The following EVL variants were observed in gnomAD, a reference collection of about 807,000 sequenced individuals.
The protein encoded by EVL is Enah/Vasp-like, also known as ena/VASP-like protein.
A neutral mutation model predicts 59.6 loss-of-function variants in EVL; 21 were observed. The ratio of observed to expected loss-of-function variants is 0.35; its 90% CI spans 0.25 to 0.51. The LOEUF (loss-of-function observed/expected upper bound fraction) is 0.51. Among genes scored for constraint, EVL ranks in the 20% least tolerant of loss-of-function variants. EVL has a pLI of 0.97. For missense variants in EVL, 462 were observed against 546.6 expected (o/e 0.85, Z 1.54); for synonymous variants, 198 against 203.5 (o/e 0.97, Z 0.23).
intron 1 of EVL, among the ~76,000 whole-genome samples, chr14:100,077,809 G>A (rs1243562800): frequency 6.6e-6 from 1 of 152,154 alleles, no homozygotes; most frequent in East Asian, 1.9e-4. Flanking sequence ...GTCTGGCTCT[G>A]TCGCCCAGGC....
At chr14:100,137,858 C>T in intron 11 of EVL, 56 bp downstream of exon 11, 1 of 1,546,202 alleles carries the variant, frequency 6.5e-7, no homozygotes. Flanking sequence ...TCCTCTGTCC[C>T]CCGTCCCGTG....
At chr14:100,085,154 A>G (rs1361763647) in intron 2 of EVL, 4 of 249,996 alleles carry the variant, frequency 1.6e-5, no homozygotes, top group Non-Finnish European at 3.0e-5. Flanking sequence ...AAGCTTTGAA[A>G]AAATAATATT....
intron 1 of EVL, chr14:100,019,452 G>A (rs904201309): frequency 1.7e-5 from 9 of 539,478 alleles, no homozygotes; most frequent in Non-Finnish European, 2.9e-5. Flanking sequence ...TGGTTTTCTA[G>A]CTGCCTCCCC....
intron 11 of EVL, chr14:100,140,792 C>T (rs1209315298): frequency 5.9e-6 from 1 of 169,592 alleles, no homozygotes; most frequent in African/African-American, 2.4e-5. Context: ...GAGCCCCAAG[C>T]TCAACCTGGA....
intron 1 of EVL, among the ~76,000 whole-genome samples, chr14:100,048,067 G>T (rs965278397): frequency 4.1e-4 from 62 of 152,290 alleles, no homozygotes; most frequent in African/African-American, 1.5e-3. Context: ...TTAGGGAAGA[G>T]GTTCTTAGAC....
intron 1 of EVL, among the ~76,000 whole-genome samples, chr14:100,023,546 C>T (rs545650174): frequency 1.0e-3 from 152 of 151,658 alleles, no homozygotes; most frequent in African/African-American, 3.4e-3. Flanking sequence ...AGGCTGGTCT[C>T]GAACTCCTGA....
intron 3 of EVL, among the ~76,000 whole-genome samples, chr14:100,122,259 T>G (rs1314487014): frequency 6.6e-6 from 1 of 152,126 alleles, no homozygotes; most frequent in Admixed American, 6.5e-5. Flanking sequence ...ACTGTCTGAT[T>G]GAGTTTAAGA....
At chr14:100,115,879 G>A (rs1887310623) in intron 3 of EVL, among the ~76,000 whole-genome samples, 1 of 152,258 alleles carries the variant, frequency 6.6e-6, no homozygotes, top group Non-Finnish European at 1.5e-5. Flanking sequence ...TGAGCTCGGA[G>A]GATAGGGTTC....
intron 1 of EVL, among the ~76,000 whole-genome samples, chr14:99,994,199 T>C (rs1482872713): frequency 6.7e-5 from 10 of 148,860 alleles, no homozygotes; most frequent in Non-Finnish European, 1.5e-4. Context: ...CAGCATATAG[T>C]TGGATTCTGG....
chr14:100,081,391 G>A (rs1019094925), intron 1 of EVL, among the ~76,000 whole-genome samples: 4 of 151,814 alleles, frequency 2.6e-5, no homozygotes, highest in Admixed American at 2.6e-4. Flanking sequence ...GTATTTTCTT[G>A]CATTTAGGTT....
Position 100,128,750 on chromosome 14 carries a change from T to G in EVL, c.717+2T>G. 1 of 1,602,856 alleles carries G rather than the reference T, an allele frequency of 6.2e-7. No individual in the cohort carries two copies. Among genetic ancestry groups the G allele is most frequent in the Non-Finnish European group, 8.5e-7 (1 of 1,179,352 alleles). On this transcript the variant is annotated splice_donor_variant, in intron 6 of 13. Coordinates refer to ENST00000392920, the MANE Select transcript of EVL (RefSeq NM_016337.3). LOFTEE classifies it high-confidence loss of function. ...GCCAAGCTGAGAAGAGTCCAACGGG[T>G]AAGAGCTCCTGTGTGCGGGGTGGGA...
chr14:100,091,855 T>A, intron 2 of EVL, among the ~76,000 whole-genome samples: 1 of 152,212 alleles, frequency 6.6e-6, no homozygotes. Flanking sequence ...AACCTGATGC[T>A]GTCTCCAGGT....
At chr14:99,978,479 C>A (rs1217295951) in intron 1 of EVL, among the ~76,000 whole-genome samples, 1 of 150,314 alleles carries the variant, frequency 6.7e-6, no homozygotes, top group Non-Finnish European at 1.5e-5. Context: ...TTTTTCTTTT[C>A]TTTTTTTTAA....
chr14:100,111,900 A>G (rs1887019071), intron 3 of EVL, among the ~76,000 whole-genome samples: 1 of 152,236 alleles, frequency 6.6e-6, no homozygotes. Context: ...CCAGTGGACC[A>G]GACTGCCTCT....
At chr14:100,038,580 A>C (rs1007638506) in intron 1 of EVL, among the ~76,000 whole-genome samples, 1 of 152,184 alleles carries the variant, frequency 6.6e-6, no homozygotes, top group African/African-American at 2.4e-5. Flanking sequence ...TGTGCCATTA[A>C]ACTTCTTTAT....
At position 100,135,894 on chromosome 14, in the gene EVL, C is replaced by T; in HGVS notation, c.901-11C>T. The stretch of plus-strand genomic sequence containing the variant: ...GCCTTCCTAAACAGACTCCCTTCTT[C>T]TCCATTTTAGGAAGATCCTAGTACC... On this transcript the variant is annotated splice_polypyrimidine_tract_variant and intron_variant, in intron 8 of 13. Transcript: ENST00000392920. 6.2e-7 allele frequency: 1 copy of T among 1,613,958 alleles called. No homozygotes were observed.
chr14:99,992,299 C>T (rs928313046), intron 1 of EVL, among the ~76,000 whole-genome samples: 1 of 151,814 alleles, frequency 6.6e-6, no homozygotes, highest in African/African-American at 2.4e-5. Context: ...TTAAATGGGT[C>T]GTTTTTTTCA....
rs147914214 is a variant in EVL at position 99,972,474 on chromosome 14, C to T, written c.5+417C>T. Among the ~76,000 whole-genome samples the T allele has an allele frequency of 5.3e-4, 81 of 152,308 alleles. No individual in the cohort carries two copies. The East Asian group carries it at 0.014, about 27-fold the overall frequency. ...GCCTTCCAGCCCGGAGGAGGCTGGC[C>T]TGAAGCCCCCAGGCGTTGCCGAAGC... On this transcript the variant is annotated intron_variant, in intron 1 of 13. Transcript: ENST00000402714. This position sits in a 1 kb window ranked among gnomAD's most constrained non-coding sequence, Gnocchi z 4.4.
intron 1 of EVL, among the ~76,000 whole-genome samples, chr14:100,031,975 G>T (rs988607934): frequency 3.3e-5 from 5 of 152,212 alleles, no homozygotes; most frequent in African/African-American, 1.2e-4. Context: ...GGGCTCCCCT[G>T]CCTAGTTTTT....
Sources: allele counts gnomAD v4.1 joint callset (sites outside exome capture counted in the v4.1 genomes callset), GRCh38; gene constraint gnomAD v4.1.1; non-coding constraint Gnocchi (gnomAD v3.1); transcripts MANE v1.5; gene names NCBI Gene and HGNC (gene_info 2026-07-23, HGNC 2026-07-21).